NAPEPLD: variants seen among roughly 807,000 people sequenced by gnomAD.
NAPEPLD encodes the protein N-acyl-phosphatidylethanolamine-hydrolyzing phospholipase D.
Under a neutral mutation model 38.1 loss-of-function variants are expected in NAPEPLD, and 23 were observed. The ratio of observed to expected loss-of-function variants is 0.60; its 90% CI spans 0.43 to 0.86. The LOEUF (loss-of-function observed/expected upper bound fraction) is 0.86, where lower values mean the gene tolerates loss of function less well. NAPEPLD is among the 40% of genes least tolerant of loss of function. The pLI, the probability that NAPEPLD is intolerant of heterozygous loss-of-function variation, is 0.00. For synonymous variants in NAPEPLD, 147 were observed against 162.0 expected (o/e 0.91, Z 0.71); for missense variants, 411 against 476.8 (o/e 0.86, Z 1.28).
At chr7:103,136,537 G>A (rs1810109162) in intron 1 of NAPEPLD, among the ~76,000 whole-genome samples, 2 of 146,740 alleles carry the variant, frequency 1.4e-5, no homozygotes, top group South Asian at 4.3e-4. Context: ...AGTGAGCCAA[G>A]ATTGTACCAC....
At chr7:103,110,913 T>G (rs1322235380) in intron 4 of NAPEPLD, among the ~76,000 whole-genome samples, 1 of 151,516 alleles carries the variant, frequency 6.6e-6, no homozygotes, top group Non-Finnish European at 1.5e-5. Flanking sequence ...TATCACAGCA[T>G]TCCTATACAG....
intron 1 of NAPEPLD, among the ~76,000 whole-genome samples, chr7:103,131,975 G>T (rs117971043): frequency 6.6e-6 from 1 of 152,094 alleles, no homozygotes; most frequent in Non-Finnish European, 1.5e-5. Context: ...TTAGTCGGGC[G>T]TGGTGGCGCG....
intron 1 of NAPEPLD, chr7:103,141,868 TA>T: frequency 9.9e-7 from 1 of 1,014,896 alleles, no homozygotes; most frequent in Non-Finnish European, 1.6e-6. Context: ...CATTGGGGTC[TA>T]ACCAGATATT....
At chr7:103,115,694 A>G (rs1186615753) in intron 3 of NAPEPLD, among the ~76,000 whole-genome samples, 1 of 152,154 alleles carries the variant, frequency 6.6e-6, no homozygotes, top group South Asian at 2.1e-4. Flanking sequence ...GCTGGCCAGC[A>G]ATTTTTTTTA....
chr7:103,103,594 CAT>C, intron 4 of NAPEPLD, 40 bp from the exon 5 acceptor site: 1 of 1,555,098 alleles, frequency 6.4e-7, no homozygotes, highest in Non-Finnish European at 8.6e-7. Flanking sequence ...AAAGATTAAA[CAT>C]ATATTTGGGA....
chr7:103,116,254 G>C (rs1305033101), intron 3 of NAPEPLD, among the ~76,000 whole-genome samples: 1 of 151,918 alleles, frequency 6.6e-6, no homozygotes, highest in Non-Finnish European at 1.5e-5. Context: ...GTAGAACCAG[G>C]GTTTCACCAT....
Position 103,103,393 on chromosome 7 carries a change from T to C in NAPEPLD, c.*36A>G. On this transcript the variant is annotated 3_prime_UTR_variant, in exon 5 of 5. Coordinates refer to ENST00000465647, the MANE Select transcript of NAPEPLD (RefSeq NM_001122838.3). ...TTCATTTGTTTTTAAACTTAGATGA[T>C]GCCTTTTTCATTAAAAGTGCCTGTG... 3 of 1,523,702 alleles carry C rather than the reference T, an allele frequency of 2.0e-6. No homozygotes were observed. The highest frequency in any genetic ancestry group is 1.4e-5 in the African/African-American group (1 of 70,652). The allele number at this position is 1,523,702 out of a possible 1,614,324, so 94.4% of individuals were successfully genotyped here. A position where few individuals can be genotyped will look rare whatever the true frequency, so the allele number is the denominator to read the frequency against.
intron 1 of NAPEPLD, among the ~76,000 whole-genome samples, chr7:103,133,608 G>C (rs1809434660): frequency 6.6e-6 from 1 of 152,208 alleles, no homozygotes; most frequent in Admixed American, 6.5e-5. Flanking sequence ...GAAAAAGTAG[G>C]AATGAGGAAG....
chr7:103,137,029 T>A (rs1810213886), intron 1 of NAPEPLD, among the ~76,000 whole-genome samples: 1 of 152,156 alleles, frequency 6.6e-6, no homozygotes, highest in African/African-American at 2.4e-5. Flanking sequence ...AACCTCCACC[T>A]CCCAGATTCA....
chr7:103,135,962 C>A (rs546548811), intron 1 of NAPEPLD, among the ~76,000 whole-genome samples: 1 of 152,130 alleles, frequency 6.6e-6, no homozygotes, highest in African/African-American at 2.4e-5. Context: ...TTAAGGAGAC[C>A]ATGAGTTAGT....
chr7:103,100,201 G>T lies in NAPEPLD; in HGVS notation c.*3228C>A, dbSNP rs922052325. The T allele has an allele frequency of 6.6e-6, 1 of 152,122 alleles. No individual in the cohort carries two copies. Among genetic ancestry groups the T allele is most frequent in the African/African-American group, 2.4e-5 (1 of 41,446 alleles). The allele number at this position is 152,122 out of a possible 1,614,324, so 9.4% of individuals were successfully genotyped here. On this transcript the variant is annotated 3_prime_UTR_variant, in exon 5 of 5. Coordinates refer to ENST00000465647, the MANE Select transcript of NAPEPLD (RefSeq NM_001122838.3). ...CCCAGTGGGCTAGACATGAACAAAAGTATTCATTCCCCAAAAGGCACATTT... is the reference window on the plus strand; with the variant it reads ...CCCAGTGGGCTAGACATGAACAAAATTATTCATTCCCCAAAAGGCACATTT...
chr7:103,144,956 G>A (rs1017842083), intron 1 of NAPEPLD, among the ~76,000 whole-genome samples: 1 of 151,962 alleles, frequency 6.6e-6, no homozygotes, highest in African/African-American at 2.4e-5. Context: ...GGTTGCAGTA[G>A]GCTGAGATTG....
chr7:103,103,946 G>GGTGT lies in NAPEPLD; in HGVS notation c.1057-396_1057-393dup, dbSNP rs55770228. ...TTGAAAAATATAGAAATCAAATTGT[G>GGTGT]GTGTGTGTGTGTGTGTAACCAAATG... On this transcript the variant is annotated intron_variant, in intron 4 of 4. Transcript: ENST00000465647. 1.7e-3 allele frequency among the ~76,000 whole-genome samples: 256 copies of GGTGT among 151,490 alleles called. 3 individuals carry two copies. The highest frequency in any genetic ancestry group is 7.1e-3 in the Admixed American group (108 of 15,180).
At chr7:103,117,828 A>G (rs1373229529) in intron 3 of NAPEPLD, among the ~76,000 whole-genome samples, 1 of 152,238 alleles carries the variant, frequency 6.6e-6, no homozygotes, top group Non-Finnish European at 1.5e-5. Context: ...TGACAAATTT[A>G]TATATTACTA....
rs566985408 is a variant in NAPEPLD at position 103,128,371 on chromosome 7, C to CA, written c.294+111dup. 4.9e-5 allele frequency: 62 copies of CA among 1,268,896 alleles called. No homozygotes were observed. The African/African-American group carries it at 8.3e-4, about 17-fold the overall frequency. 78.6% of individuals were successfully genotyped at this position (1,268,896 alleles called of 1,614,324 possible). A position where few individuals can be genotyped will look rare whatever the true frequency, so the allele number is the denominator to read the frequency against. ...CTTTAGGGCCTAGGTTACACCTATCCACTTTATCTCCTCAGACCTAATTCT... is the reference window on the plus strand; with the variant it reads ...CTTTAGGGCCTAGGTTACACCTATCCAACTTTATCTCCTCAGACCTAATTCT... On this transcript the variant is annotated intron_variant, in intron 2 of 4. Coordinates refer to ENST00000465647, the MANE Select transcript of NAPEPLD (RefSeq NM_001122838.3).
intron 3 of NAPEPLD, among the ~76,000 whole-genome samples, chr7:103,118,640 T>C (rs1806015882): frequency 6.6e-6 from 1 of 152,262 alleles, no homozygotes; most frequent in African/African-American, 2.4e-5. Flanking sequence ...GTCCATGCAC[T>C]ATAGAATACA....
At chr7:103,118,106 T>C (rs2129528488) in intron 3 of NAPEPLD, among the ~76,000 whole-genome samples, 1 of 152,282 alleles carries the variant, frequency 6.6e-6, no homozygotes, top group Admixed American at 6.5e-5. Context: ...GGAGAATCAC[T>C]TGAACCCAGA....
At chr7:103,110,212 C>T (rs1180223739) in intron 4 of NAPEPLD, among the ~76,000 whole-genome samples, 2 of 152,268 alleles carry the variant, frequency 1.3e-5, no homozygotes, top group East Asian at 1.9e-4. Flanking sequence ...CTCCCTAACT[C>T]GTTTTATGAG....
intron 2 of NAPEPLD, 38 bp from the exon 3 acceptor site, chr7:103,120,261 G>GAAAAAAAAA: frequency 1.3e-6 from 2 of 1,557,294 alleles, no homozygotes; most frequent in Admixed American, 2.0e-5. Context: ...AGAGTAGTTA[G>GAAAAAAAAA]AAAAAAAAGT....
Sources: allele counts gnomAD v4.1 joint callset (sites outside exome capture counted in the v4.1 genomes callset), GRCh38; gene constraint gnomAD v4.1.1; transcripts MANE v1.5; gene names NCBI Gene and HGNC (gene_info 2026-07-23, HGNC 2026-07-21).